Variants in MKLN1 observed in about 807,000 individuals in gnomAD.
MKLN1 encodes the protein muskelin 1, also known as muskelin.
A neutral mutation model predicts 99.0 loss-of-function variants in MKLN1; 18 were observed. The ratio of observed to expected loss-of-function variants is 0.18; its 90% CI spans 0.13 to 0.27. The LOEUF is 0.27. MKLN1 is among the 10% of genes least tolerant of loss of function. The pLI is 1.00. For synonymous variants in MKLN1, 288 were observed against 293.2 expected, an observed-to-expected ratio of 0.98 and a Z score of 0.18; for missense variants, 621 against 875.9, an observed-to-expected ratio of 0.71 and a Z score of 3.67.
intron 15 of MKLN1, 108 bp from the exon 16 acceptor site, chr7:131,470,734 G>T (rs944088749): frequency 1.4e-6 from 1 of 730,006 alleles, no homozygotes; most frequent in African/African-American, 1.8e-5. Context: ...TAAATATCCA[G>T]AACAACTCCT....
Position 131,388,901 on chromosome 7 carries a change from A to G in MKLN1, c.329A>G (p.Tyr110Cys). 6.2e-7 allele frequency: 1 copy of G among 1,610,194 alleles called. No individual in the cohort carries two copies. ...TCCCACAGTGGCTTAAAGAATGATT[A>G]TAACAAAGAAACATTCACCTTGAAG... is the stretch of plus-strand genomic sequence containing the variant. ...ELLSSGLKND[Y>C]NKETFTLKHK... The change falls in exon 4 of 18, where the codon TAT becomes TGT. Residue 110 changes from tyrosine (Y) to cysteine (C), a missense_variant. By Grantham distance (194) the Tyr-to-Cys change is radical. Around this residue, in one of 8 missense-constraint regions of MKLN1, gnomAD observed 361 missense variants for 540.8 expected, o/e 0.67. Coordinates refer to ENST00000352689, the MANE Select transcript of MKLN1 (RefSeq NM_013255.5).
At chr7:131,464,069 A>G (rs1796591928) in intron 13 of MKLN1, among the ~76,000 whole-genome samples, 1 of 152,228 alleles carries the variant, frequency 6.6e-6, no homozygotes, top group African/African-American at 2.4e-5. Flanking sequence ...GTATTTCATA[A>G]CAAAAAGTAG....
chr7:131,486,143 G>A (rs989814141), intron 17 of MKLN1, among the ~76,000 whole-genome samples: 4 of 151,776 alleles, frequency 2.6e-5, no homozygotes, highest in African/African-American at 9.7e-5. Context: ...ATTAATTGAT[G>A]AGATGAATCT....
At chr7:131,465,543 A>AT (rs1000383017) in intron 14 of MKLN1, among the ~76,000 whole-genome samples, 110 of 147,512 alleles carry the variant, frequency 7.5e-4, no homozygotes, top group African/African-American at 7.4e-4. Context: ...AGATGTTAAA[A>AT]TTTTTTTTTT....
chr7:131,483,255 A>G (rs1245529848), intron 17 of MKLN1, among the ~76,000 whole-genome samples: 1 of 152,142 alleles, frequency 6.6e-6, no homozygotes, highest in Non-Finnish European at 1.5e-5. Flanking sequence ...TTATTTTTAG[A>G]AAAAAACATT....
At chr7:131,211,949 G>C (rs574324307) in intron 3 of MKLN1, among the ~76,000 whole-genome samples, 1 of 152,280 alleles carries the variant, frequency 6.6e-6, no homozygotes, top group East Asian at 1.9e-4. Flanking sequence ...TCTTACAGGA[G>C]TGTTGGAGAG....
intron 1 of MKLN1, among the ~76,000 whole-genome samples, chr7:131,356,852 GCCT>G (rs1195801241): frequency 1.3e-5 from 2 of 152,248 alleles, no homozygotes; most frequent in East Asian, 1.9e-4. Context: ...TTCAGTTCTT[GCCT>G]CCTCAGGAGA....
chr7:131,307,278 G>C (rs1467250055), intron 3 of MKLN1, among the ~76,000 whole-genome samples: 1 of 152,170 alleles, frequency 6.6e-6, no homozygotes, highest in Admixed American at 6.5e-5. Flanking sequence ...GAAGTCTGCT[G>C]CAGGGGTAGT....
In MKLN1 at chr7:131,483,652, T is replaced by C. The variant is rs1797187700; in HGVS notation, c.2087-3955T>C. 2.0e-5 allele frequency among the ~76,000 whole-genome samples: 3 copies of C among 152,192 alleles called. No individual in the cohort carries two copies. In the South Asian group the frequency reaches 6.2e-4, roughly 32 times the overall value. The stretch of plus-strand genomic sequence containing the variant: ...GCACTTAGGAATGCCAGACAGCACT[T>C]TGGCACTACATTTGGGGGCCATTTT... On this transcript the variant is annotated intron_variant, in intron 17 of 17. Transcript: ENST00000352689.
Position 131,249,708 on chromosome 7 carries a change from C to T in MKLN1, c.-179+46734C>T, listed in dbSNP as rs1172611857. Among the ~76,000 whole-genome samples, 6 of 152,148 alleles carry T rather than the reference C, an allele frequency of 3.9e-5. No individual in the cohort carries two copies. The East Asian group carries it at 1.2e-3, about 29-fold the overall frequency. The stretch of plus-strand genomic sequence containing the variant: ...ACAGAAAGGGAGGAGAAAGGGCCCT[C>T]CAGGTAGAGTGGCAGCAGTGCCCAG... On this transcript the variant is annotated intron_variant, in intron 3 of 7. Coordinates refer to the MKLN1 transcript ENST00000416992.
At chr7:131,428,960 C>T in intron 8 of MKLN1, 73 bp from the exon 9 acceptor site, 1 of 1,179,264 alleles carries the variant, frequency 8.5e-7, no homozygotes. Flanking sequence ...GCCTTAGAAA[C>T]AGCTGGCTAG....
At chr7:131,214,314 T>C (rs567265797) in intron 3 of MKLN1, among the ~76,000 whole-genome samples, 36 of 152,302 alleles carry the variant, frequency 2.4e-4, no homozygotes, top group African/African-American at 8.2e-4. Flanking sequence ...TTCTGTTGCA[T>C]GTCTTGGCAA....
chr7:131,276,240 G>C (rs767525729), intron 3 of MKLN1, among the ~76,000 whole-genome samples: 6 of 152,220 alleles, frequency 3.9e-5, no homozygotes, highest in Non-Finnish European at 8.8e-5. Context: ...GGTAAAGGCA[G>C]CTTCCGAGCA....
intron 3 of MKLN1, among the ~76,000 whole-genome samples, chr7:131,264,165 T>C (rs1375556557): frequency 6.6e-6 from 1 of 152,064 alleles, no homozygotes; most frequent in African/African-American, 2.4e-5. Flanking sequence ...CATAGACAAA[T>C]AGATCTTTTT....
intron 6 of MKLN1, among the ~76,000 whole-genome samples, chr7:131,403,610 G>C (rs2116277528): frequency 6.6e-6 from 1 of 152,264 alleles, no homozygotes; most frequent in Admixed American, 6.5e-5. Context: ...TTTAAAGTGA[G>C]AGGTTTGTGT....
chr7:131,408,563 T>C (rs909398774), intron 6 of MKLN1, among the ~76,000 whole-genome samples: 2 of 152,198 alleles, frequency 1.3e-5, no homozygotes, highest in African/African-American at 4.8e-5. Context: ...GGGCAAGAGA[T>C]TTGAAATTTT....
intron 2 of MKLN1, among the ~76,000 whole-genome samples, chr7:131,165,843 G>A (rs1358995531): frequency 3.9e-5 from 6 of 152,150 alleles, no homozygotes; most frequent in Admixed American, 2.6e-4. Context: ...GGCTAGGCAC[G>A]GTAGCTCATG....
chr7:131,159,618 G>A (rs984616613), intron 2 of MKLN1, among the ~76,000 whole-genome samples: 1 of 152,060 alleles, frequency 6.6e-6, no homozygotes, highest in East Asian at 1.9e-4. Flanking sequence ...TACAAACATA[G>A]AATTAGATAG....
chr7:131,141,714 A>G (rs1795735877), intron 1 of MKLN1, among the ~76,000 whole-genome samples: 1 of 152,170 alleles, frequency 6.6e-6, no homozygotes, highest in Non-Finnish European at 1.5e-5. Context: ...TCTGTGTACA[A>G]GTCACTAACT....
Sources: gnomAD v4.1 joint callset for allele counts (sites outside exome capture counted in the v4.1 genomes callset) on GRCh38, gnomAD v4.1.1 for gene constraint, gnomAD v4.1.1 regional missense constraint, MANE v1.5 for transcripts, NCBI Gene and HGNC (gene_info 2026-07-23, HGNC 2026-07-21) for gene names.